Variants in PRKAG2 observed in about 807,000 individuals in gnomAD.
PRKAG2 encodes the protein protein kinase AMP-activated non-catalytic subunit gamma 2.
PRKAG2 carries 26 observed loss-of-function variants against 69.6 expected under a neutral mutation model. That is an observed-to-expected ratio of 0.37 (90% confidence interval 0.27 to 0.52). PRKAG2 has a LOEUF of 0.52. Among genes scored for constraint, PRKAG2 ranks in the 20% least tolerant of loss-of-function variants. PRKAG2 has a pLI of 0.90. For synonymous variants in PRKAG2, 293 were observed against 285.0 expected (o/e 1.03, Z -0.28); for missense variants, 557 against 740.0 (o/e 0.75, Z 2.87).
At chr7:151,732,406 T>C (rs1167004968) in intron 3 of PRKAG2, among the ~76,000 whole-genome samples, 2 of 152,124 alleles carry the variant, frequency 1.3e-5, no homozygotes, top group African/African-American at 4.8e-5. Context: ...CCCAAAGTGC[T>C]GGGATGACAG....
chr7:151,795,862 T>C (rs949815219), intron 1 of PRKAG2, among the ~76,000 whole-genome samples: 3,539 of 110,202 alleles, frequency 0.032, 233 homozygotes, highest in African/African-American at 0.13. Flanking sequence ...TATATATATA[T>C]ATATATATAT....
chr7:151,676,934 T>C (rs1833034772), intron 3 of PRKAG2, among the ~76,000 whole-genome samples: 1 of 152,202 alleles, frequency 6.6e-6, no homozygotes, highest in East Asian at 1.9e-4. Context: ...CAAGGCGCGA[T>C]GGGGATTGCT....
At chr7:151,841,348 A>C (rs187077114) in intron 1 of PRKAG2, among the ~76,000 whole-genome samples, 1 of 151,196 alleles carries the variant, frequency 6.6e-6, no homozygotes, top group Non-Finnish European at 1.5e-5. Flanking sequence ...GGTAGGTAGT[A>C]ATGATAGTGA....
At chr7:151,671,493 A>G (rs1029620890) in intron 4 of PRKAG2, among the ~76,000 whole-genome samples, 1 of 152,254 alleles carries the variant, frequency 6.6e-6, no homozygotes, top group Admixed American at 6.5e-5. Flanking sequence ...ATAAAGGAGC[A>G]AATTTCTACG....
intron 3 of PRKAG2, among the ~76,000 whole-genome samples, chr7:151,776,217 C>T (rs1367127861): frequency 6.6e-6 from 1 of 152,198 alleles, no homozygotes; most frequent in Non-Finnish European, 1.5e-5. Context: ...ACTCCCCATC[C>T]CAGGGGGCTT....
In PRKAG2 at chr7:151,565,739, C is replaced by T; in HGVS notation, c.1380G>A (p.Leu460=). 6.2e-7 allele frequency: 1 copy of T among 1,613,934 alleles called. No individual in the cohort carries two copies. The highest frequency in any genetic ancestry group is 2.2e-5 in the East Asian group (1 of 44,876). ...NIFVERRISA[L]PVVDESGKVV... is the part of the protein sequence containing the mutation. ...ACAAACCTGACTCATCCACAACAGG[C>T]AGAGCTGATATTCGTCTTTCCACAA... The change falls in exon 12 of 16, where the codon CTG becomes CTA. Residue 460 remains leucine, a synonymous_variant. Transcript: ENST00000287878.
chr7:151,845,261 CGTT>C (rs1307203442), intron 1 of PRKAG2, among the ~76,000 whole-genome samples: 1 of 152,166 alleles, frequency 6.6e-6, no homozygotes, highest in Middle Eastern at 3.4e-3. Flanking sequence ...CAGGTGAAGA[CGTT>C]GTTAGTGGAG....
chr7:151,679,045 G>A (rs1833411996), intron 3 of PRKAG2, among the ~76,000 whole-genome samples: 1 of 152,160 alleles, frequency 6.6e-6, no homozygotes, highest in Non-Finnish European at 1.5e-5. Flanking sequence ...GTGGGGTGGG[G>A]AGGAAGGAGA....
intron 1 of PRKAG2, among the ~76,000 whole-genome samples, chr7:151,816,883 A>ATT (rs2078657493): frequency 6.6e-6 from 1 of 152,216 alleles, no homozygotes; most frequent in South Asian, 2.1e-4. Flanking sequence ...AAAGCTGGAA[A>ATT]TGTCAGAGAA....
At position 151,675,630 on chromosome 7, in the gene PRKAG2, G is replaced by T; in HGVS notation, c.474C>A (p.Gly158=). 1 of 1,612,994 alleles carries T rather than the reference G, an allele frequency of 6.2e-7. No homozygotes were observed. The highest frequency in any genetic ancestry group is 8.5e-7 in the Non-Finnish European group (1 of 1,178,934). Residue 158 remains glycine, a synonymous_variant, in exon 4 of 16, where the codon GGC becomes GGA. Coordinates refer to ENST00000287878, the MANE Select transcript of PRKAG2 (RefSeq NM_016203.4). ...TGGGTGTTGACGGAGAGGAGGAGAG[G>T]CCGGAGGCTGCAGAAGAAACACCAA... The part of the protein sequence containing the change: ...RFFSRSRKTS[G]LSSSPSTPTQ...
At chr7:151,856,738 G>A (rs1048981114) in intron 1 of PRKAG2, among the ~76,000 whole-genome samples, 1 of 152,152 alleles carries the variant, frequency 6.6e-6, no homozygotes, top group Non-Finnish European at 1.5e-5. Flanking sequence ...CGGTCACGGC[G>A]TCCCCACCGG....
chr7:151,775,482 G>GC (rs896723332), intron 3 of PRKAG2, among the ~76,000 whole-genome samples: 1 of 152,124 alleles, frequency 6.6e-6, no homozygotes, highest in Non-Finnish European at 1.5e-5. Flanking sequence ...TTCCGTAAAT[G>GC]CCCCCAAATC....
chr7:151,844,450 G>A lies in PRKAG2; in HGVS notation c.114+32057C>T, dbSNP rs1024743626. Among the ~76,000 whole-genome samples, 8 of 152,022 alleles carry A rather than the reference G, an allele frequency of 5.3e-5. No homozygotes were observed. In the East Asian group the frequency reaches 9.6e-4, roughly 18 times the overall value. ...TGGCGAGGCAGAGGTGGGAAGGAAC[G>A]GGGGTAAAAACCCTCCCACCTGGGT... On this transcript the variant is annotated intron_variant, in intron 1 of 15. Coordinates refer to ENST00000287878, the MANE Select transcript of PRKAG2 (RefSeq NM_016203.4).
intron 3 of PRKAG2, among the ~76,000 whole-genome samples, chr7:151,737,924 C>G (rs111489605): frequency 7.8e-6 from 1 of 128,368 alleles, no homozygotes; most frequent in African/African-American, 3.1e-5. Context: ...CAGAGATGCC[C>G]AGATCTGCCA....
At position 151,836,663 on chromosome 7, in the gene PRKAG2, C is replaced by T. The variant is rs979374151; in HGVS notation, c.114+39844G>A. On this transcript the variant is annotated intron_variant, in intron 1 of 15. Coordinates refer to ENST00000287878, the MANE Select transcript of PRKAG2 (RefSeq NM_016203.4). The surrounding 1 kb of genome is among the most constrained non-coding windows in gnomAD (Gnocchi z 4.1). ...GCCTCCTGTCTGGGTGCAGCCTTAGCGGGGCACAGGAGGGCGTGTATGCGG... is the reference window on the plus strand; with the variant it reads ...GCCTCCTGTCTGGGTGCAGCCTTAGTGGGGCACAGGAGGGCGTGTATGCGG... Among the ~76,000 whole-genome samples the T allele has an allele frequency of 2.0e-5, 3 of 152,132 alleles. No homozygotes were observed. Among genetic ancestry groups the T allele is most frequent in the East Asian group, 3.9e-4 (2 of 5,176 alleles).
At chr7:151,855,105 C>T (rs2079692915) in intron 1 of PRKAG2, among the ~76,000 whole-genome samples, 10 of 54,172 alleles carry the variant, frequency 1.8e-4, no homozygotes, top group Non-Finnish European at 2.6e-4. Context: ...CCTCCACACA[C>T]ACCACCCTAC....
At chr7:151,743,415 G>A (rs1339135015) in intron 3 of PRKAG2, among the ~76,000 whole-genome samples, 1 of 152,180 alleles carries the variant, frequency 6.6e-6, no homozygotes, top group African/African-American at 2.4e-5. Context: ...AGATCTGGGA[G>A]GGAGTGAAAT....
At chr7:151,852,768 G>C (rs775671074) in intron 1 of PRKAG2, among the ~76,000 whole-genome samples, 1 of 152,078 alleles carries the variant, frequency 6.6e-6, no homozygotes, top group South Asian at 2.1e-4. Flanking sequence ...GGGTGTGCAC[G>C]GAGCTTCTGC....
chr7:151,610,389 T>C (rs1451464232), intron 5 of PRKAG2, among the ~76,000 whole-genome samples: 2 of 133,274 alleles, frequency 1.5e-5, no homozygotes, highest in Admixed American at 7.8e-5. Flanking sequence ...AACAAACATT[T>C]TAGTGTGGGC....
Sources: allele counts gnomAD v4.1 joint callset (sites outside exome capture counted in the v4.1 genomes callset), GRCh38; gene constraint gnomAD v4.1.1; non-coding constraint Gnocchi (gnomAD v3.1); transcripts MANE v1.5; gene names NCBI Gene and HGNC (gene_info 2026-07-23, HGNC 2026-07-21).